KLF12: variants seen among roughly 807,000 people sequenced by gnomAD.
The protein encoded by KLF12 is KLF transcription factor 12.
A neutral mutation model predicts 37.8 loss-of-function variants in KLF12; 9 were observed. The ratio of observed to expected loss-of-function variants is 0.24; its 90% CI spans 0.14 to 0.42. The LOEUF (loss-of-function observed/expected upper bound fraction) is 0.42. Ranked by LOEUF, KLF12 falls within the 10% of genes least tolerant of loss-of-function variation. The pLI, the probability that KLF12 is intolerant of heterozygous loss-of-function variation, is 1.00. For missense variants in KLF12, 411 were observed against 516.0 expected (o/e 0.80, Z 1.97); for synonymous variants, 208 against 202.1 (o/e 1.03, Z -0.25).
At chr13:74,177,761 G>A in the KLF12 span, among the ~76,000 whole-genome samples, 1 of 152,188 alleles carries the variant, frequency 6.6e-6, no homozygotes, top group African/African-American at 2.4e-5. Flanking sequence ...CAGACTTGCA[G>A]GAGGGAAGCA....
chr13:74,298,306 A>G, the KLF12 span, among the ~76,000 whole-genome samples: 1 of 152,222 alleles, frequency 6.6e-6, no homozygotes, highest in Non-Finnish European at 1.5e-5. Context: ...AGAAAGGAAC[A>G]TGGGGTTGCA....
intron 1 of KLF12, among the ~76,000 whole-genome samples, chr13:74,127,700 T>C (rs1415155639): frequency 6.6e-6 from 1 of 152,242 alleles, no homozygotes; most frequent in Non-Finnish European, 1.5e-5. Context: ...TCATGCGTGA[T>C]TATAAATAGG....
chr13:74,166,983 A>C, the KLF12 span, among the ~76,000 whole-genome samples: 1 of 152,314 alleles, frequency 6.6e-6, no homozygotes, highest in Admixed American at 6.5e-5. Flanking sequence ...GTGCCTTTGT[A>C]ATCATGCAGA....
At chr13:73,769,455 T>G (rs1278686614) in intron 5 of KLF12, among the ~76,000 whole-genome samples, 1 of 152,168 alleles carries the variant, frequency 6.6e-6, no homozygotes, top group African/African-American at 2.4e-5. Flanking sequence ...TCTTTCTCCT[T>G]TGCTTGAACC....
chr13:73,992,783 A>G (rs1892004423), intron 2 of KLF12, among the ~76,000 whole-genome samples: 1 of 152,240 alleles, frequency 6.6e-6, no homozygotes, highest in Non-Finnish European at 1.5e-5. Context: ...ATGTAAAAAA[A>G]GATAAATTTT....
intron 1 of KLF12, among the ~76,000 whole-genome samples, chr13:74,074,620 T>C (rs150975661): frequency 7.9e-5 from 12 of 152,264 alleles, no homozygotes; most frequent in African/African-American, 2.9e-4. Context: ...TGGCCATGAA[T>C]TTCCTTTTTA....
At chr13:73,926,928 G>A (rs1349690327) in intron 3 of KLF12, among the ~76,000 whole-genome samples, 1 of 110,798 alleles carries the variant, frequency 9.0e-6, no homozygotes, top group Non-Finnish European at 2.0e-5. Flanking sequence ...TCAACTCCGT[G>A]TCTCCTTTGA....
chr13:74,125,144 C>CA (rs71115643), intron 1 of KLF12, among the ~76,000 whole-genome samples: 2,017 of 121,396 alleles, frequency 0.017, 45 homozygotes, highest in African/African-American at 0.047. Context: ...GACTCCGTTT[C>CA]AAAAAAAAAA....
chr13:73,699,038 G>A (rs1305567855), intron 7 of KLF12, among the ~76,000 whole-genome samples: 1 of 151,904 alleles, frequency 6.6e-6, no homozygotes, highest in East Asian at 1.9e-4. Flanking sequence ...ATTGATTTCT[G>A]GGCAACAGGA....
chr13:73,865,938 G>A (rs1311088516), intron 3 of KLF12, among the ~76,000 whole-genome samples: 1 of 152,168 alleles, frequency 6.6e-6, no homozygotes, highest in Non-Finnish European at 1.5e-5. Context: ...CGTAGTTCAA[G>A]TGGGAGTAGT....
the KLF12 span, among the ~76,000 whole-genome samples, chr13:74,223,456 A>T: frequency 6.6e-6 from 1 of 152,170 alleles, no homozygotes. Context: ...GATTTCCCAG[A>T]TCTTCTCCAT....
chr13:74,123,889 T>C (rs1877784420), intron 1 of KLF12, among the ~76,000 whole-genome samples: 1 of 152,212 alleles, frequency 6.6e-6, no homozygotes, highest in African/African-American at 2.4e-5. Context: ...GACTTTTACC[T>C]TCTCCTGATT....
At chr13:74,139,376 T>G in the KLF12 span, among the ~76,000 whole-genome samples, 4 of 152,232 alleles carry the variant, frequency 2.6e-5, no homozygotes, top group African/African-American at 9.7e-5. Flanking sequence ...AATGAATGCT[T>G]CTTGAATCAA....
At chr13:73,735,058 C>T (rs542797308) in intron 6 of KLF12, among the ~76,000 whole-genome samples, 30 of 145,060 alleles carry the variant, frequency 2.1e-4, no homozygotes, top group South Asian at 7.1e-4. Context: ...GAGGCCAAGG[C>T]GGGAGGATCA....
At chr13:74,164,144 A>ATTCT in the KLF12 span, among the ~76,000 whole-genome samples, 1 of 152,138 alleles carries the variant, frequency 6.6e-6, no homozygotes, top group Non-Finnish European at 1.5e-5. Context: ...AAAGAACTGT[A>ATTCT]TTCTAGTCAT....
At chr13:74,274,200 G>A in the KLF12 span, among the ~76,000 whole-genome samples, 2 of 152,004 alleles carry the variant, frequency 1.3e-5, no homozygotes, top group African/African-American at 2.4e-5. Context: ...CTATGTTGAA[G>A]CTTAAGCCCA....
At chr13:74,240,110 C>T in the KLF12 span, among the ~76,000 whole-genome samples, 2 of 152,012 alleles carry the variant, frequency 1.3e-5, no homozygotes, top group African/African-American at 2.4e-5. Context: ...TTTAGTGCTT[C>T]CTTCAGGAGC....
At chr13:74,050,465 G>C (rs1351802689) in intron 1 of KLF12, among the ~76,000 whole-genome samples, 2 of 152,172 alleles carry the variant, frequency 1.3e-5, no homozygotes, top group East Asian at 3.9e-4. Context: ...AGGGAGGGAA[G>C]GATGGTTACA....
the KLF12 span, among the ~76,000 whole-genome samples, chr13:74,215,427 CTTTTTTTT>C: frequency 9.9e-5 from 6 of 60,384 alleles, no homozygotes; most frequent in South Asian, 1.2e-3. Context: ...CCTCTGGGTT[CTTTTTTTT>C]TTTTTTTTTT....
Sources: gnomAD v4.1 joint callset for allele counts (sites outside exome capture counted in the v4.1 genomes callset) on GRCh38, gnomAD v4.1.1 for gene constraint, MANE v1.5 for transcripts, NCBI Gene and HGNC (gene_info 2026-07-23, HGNC 2026-07-21) for gene names.